Variants in ARHGAP26 observed in about 807,000 individuals in gnomAD.
ARHGAP26 encodes rho GTPase-activating protein 26.
A neutral mutation model predicts 104.8 loss-of-function variants in ARHGAP26; 38 were observed. The ratio of observed to expected loss-of-function variants is 0.36; its 90% CI spans 0.28 to 0.48. The LOEUF (loss-of-function observed/expected upper bound fraction) is 0.48. ARHGAP26 is among the 20% of genes least tolerant of loss of function. The pLI is 0.99. For synonymous variants in ARHGAP26, 341 were observed against 340.0 expected (o/e 1.00, Z -0.03); for missense variants, 704 against 947.9 (o/e 0.74, Z 3.38).
chr5:142,799,207 C>T (rs932335710), intron 1 of ARHGAP26, among the ~76,000 whole-genome samples: 1 of 151,474 alleles, frequency 6.6e-6, no homozygotes, highest in Non-Finnish European at 1.5e-5. Context: ...TTTTTGGAGG[C>T]ATATTGTAAT....
chr5:142,936,215 A>G (rs1313081982), intron 11 of ARHGAP26, among the ~76,000 whole-genome samples: 1 of 151,940 alleles, frequency 6.6e-6, no homozygotes, highest in Non-Finnish European at 1.5e-5. Flanking sequence ...CACAAAATCA[A>G]TCATATTTCT....
At chr5:143,041,927 G>A (rs1180611409) in intron 14 of ARHGAP26, 37 bp downstream of exon 14, 2 of 1,546,326 alleles carry the variant, frequency 1.3e-6, no homozygotes, top group South Asian at 2.4e-5. Context: ...CAGGTCCCTG[G>A]ATGGGGGGCC....
intron 14 of ARHGAP26, among the ~76,000 whole-genome samples, chr5:143,050,970 T>G (rs559188049): frequency 6.6e-6 from 1 of 152,302 alleles, no homozygotes; most frequent in East Asian, 1.9e-4. Flanking sequence ...GTAAGAGCTT[T>G]TGGATCTCAA....
chr5:142,936,039 G>C (rs1765358130), intron 11 of ARHGAP26, among the ~76,000 whole-genome samples: 1 of 151,572 alleles, frequency 6.6e-6, no homozygotes, highest in Admixed American at 6.6e-5. Flanking sequence ...GGCATACAGA[G>C]TGGAAAGAAA....
intron 17 of ARHGAP26, among the ~76,000 whole-genome samples, chr5:143,107,805 G>T (rs1408912712): frequency 2.6e-5 from 4 of 152,134 alleles, no homozygotes; most frequent in African/African-American, 9.7e-5. Context: ...TCTGGTTTCT[G>T]TTGTCAACCC....
intron 11 of ARHGAP26, among the ~76,000 whole-genome samples, chr5:142,975,061 T>C (rs1772864565): frequency 6.6e-6 from 1 of 152,118 alleles, no homozygotes; most frequent in Non-Finnish European, 1.5e-5. Flanking sequence ...GTTTCAAATC[T>C]CCATTGGCCC....
At chr5:143,178,126 A>G (rs1036143533) in intron 20 of ARHGAP26, among the ~76,000 whole-genome samples, 18 of 150,246 alleles carry the variant, frequency 1.2e-4, no homozygotes, top group Non-Finnish European at 2.2e-4. Flanking sequence ...CAGCCTCCCA[A>G]GTAGCTGGGA....
At chr5:143,183,260 G>A (rs1223760758) in intron 20 of ARHGAP26, among the ~76,000 whole-genome samples, 1 of 151,970 alleles carries the variant, frequency 6.6e-6, no homozygotes, top group Non-Finnish European at 1.5e-5. Flanking sequence ...AAAATGTCCT[G>A]GAAGGTTTTC....
intron 14 of ARHGAP26, among the ~76,000 whole-genome samples, chr5:143,051,335 A>G (rs922966293): frequency 6.6e-6 from 1 of 152,176 alleles, no homozygotes; most frequent in Non-Finnish European, 1.5e-5. Flanking sequence ...TTCTGAATTC[A>G]TGTGATAGTA....
At chr5:143,039,563 A>G (rs1324519854) in intron 13 of ARHGAP26, among the ~76,000 whole-genome samples, 2 of 152,122 alleles carry the variant, frequency 1.3e-5, no homozygotes, top group African/African-American at 2.4e-5. Flanking sequence ...AAGACCGAGA[A>G]TAAAATGTAC....
chr5:142,993,113 C>A lies in ARHGAP26; in HGVS notation c.1108-20967C>A, dbSNP rs188744236. On this transcript the variant is annotated intron_variant, in intron 11 of 22. Transcript: ENST00000645722. ...TCTCCTGCCTCAGCTTCCTGAGTAGCTGGGTTACAGGTGCCCACCACCATG... is the reference window on the plus strand; with the variant it reads ...TCTCCTGCCTCAGCTTCCTGAGTAGATGGGTTACAGGTGCCCACCACCATG... Among the ~76,000 whole-genome samples, 15 of 150,488 alleles carry A rather than the reference C, an allele frequency of 1.0e-4. No individual in the cohort carries two copies. In the East Asian group the frequency reaches 2.9e-3, roughly 30 times the overall value.
At chr5:142,831,978 G>A (rs1768527387) in intron 1 of ARHGAP26, among the ~76,000 whole-genome samples, 1 of 152,056 alleles carries the variant, frequency 6.6e-6, no homozygotes, top group East Asian at 1.9e-4. Flanking sequence ...TCCTCCTAAA[G>A]CACAGGTTTG....
intron 1 of ARHGAP26, among the ~76,000 whole-genome samples, chr5:142,857,734 T>C (rs1048490140): frequency 3.9e-5 from 6 of 152,194 alleles, no homozygotes; most frequent in Non-Finnish European, 5.9e-5. Context: ...GCCAGGGACT[T>C]TCCGGGTCTT....
At chr5:143,019,780 GT>G (rs1271548981) in intron 12 of ARHGAP26, among the ~76,000 whole-genome samples, 1 of 152,200 alleles carries the variant, frequency 6.6e-6, no homozygotes, top group African/African-American at 2.4e-5. Context: ...AGATTAGCTT[GT>G]TTACAAGAAT....
chr5:143,036,965 T>C (rs1162926786), intron 12 of ARHGAP26, among the ~76,000 whole-genome samples: 1 of 152,190 alleles, frequency 6.6e-6, no homozygotes, highest in Non-Finnish European at 1.5e-5. Flanking sequence ...CTATGAGAAC[T>C]AAATGAGATA....
At position 143,125,464 on chromosome 5, in the gene ARHGAP26, A is replaced by G. The variant is rs139064400; in HGVS notation, c.1698+4317A>G. 2.4e-4 allele frequency among the ~76,000 whole-genome samples: 36 copies of G among 152,350 alleles called. No homozygotes were observed. In the East Asian group the frequency reaches 6.9e-3, roughly 29 times the overall value. ...ACTTGTGTTTGGTCAGATAGAGTGC[A>G]CTAACGACATGCTTACCCTGTCACA... On this transcript the variant is annotated intron_variant, in intron 18 of 22. Transcript: ENST00000645722.
intron 11 of ARHGAP26, among the ~76,000 whole-genome samples, chr5:143,009,553 C>G (rs990260065): frequency 6.6e-6 from 1 of 152,212 alleles, no homozygotes; most frequent in African/African-American, 2.4e-5. Context: ...GGCATGATGT[C>G]TGGCACATGG....
rs57822966 is a variant in ARHGAP26 at position 143,226,485 on chromosome 5, GA to G, written c.*4060del. ...GACAGAGCCAGACTCCGTCTCAAAG[GA>G]AAAAAAAAAAAAAAAAAAAAGAATG... On this transcript the variant is annotated 3_prime_UTR_variant, in exon 23 of 23. Coordinates refer to ENST00000645722, the MANE Select transcript of ARHGAP26 (RefSeq NM_001135608.3). 0.033 allele frequency: 4,578 copies of G among 140,268 alleles called. 78 individuals carry two copies. The highest frequency in any genetic ancestry group is 0.074 in the African/African-American group (2,565 of 34,592). 8.7% of individuals were successfully genotyped at this position (140,268 alleles called of 1,614,324 possible).
chr5:143,030,204 G>A (rs893400050), intron 12 of ARHGAP26, among the ~76,000 whole-genome samples: 1 of 152,192 alleles, frequency 6.6e-6, no homozygotes, highest in Non-Finnish European at 1.5e-5. Context: ...GAGGAATCAG[G>A]TCTCACGGGT....
Sources: gnomAD v4.1 joint callset for allele counts (sites outside exome capture counted in the v4.1 genomes callset) on GRCh38, gnomAD v4.1.1 for gene constraint, MANE v1.5 for transcripts, NCBI Gene and HGNC (gene_info 2026-07-23, HGNC 2026-07-21) for gene names.